CACNA2D3: variants seen among roughly 807,000 people sequenced by gnomAD.
CACNA2D3 encodes the protein voltage-dependent calcium channel subunit alpha-2/delta-3.
In CACNA2D3, 60 loss-of-function variants were observed where a neutral mutation model predicts 160.6. The observed-to-expected ratio is 0.37, with a 90% CI of 0.30 to 0.46. The LOEUF (loss-of-function observed/expected upper bound fraction) is 0.46. Ranked by LOEUF, CACNA2D3 falls within the 20% of genes least tolerant of loss-of-function variation. CACNA2D3 has a pLI of 1.00. For synonymous variants in CACNA2D3, 558 were observed against 492.9 expected (o/e 1.13, Z -1.75); for missense variants, 1,205 against 1,365.0 (o/e 0.88, Z 1.85).
At chr3:54,775,754 C>A (rs1025218685) in intron 13 of CACNA2D3, among the ~76,000 whole-genome samples, 2 of 152,112 alleles carry the variant, frequency 1.3e-5, no homozygotes, top group Non-Finnish European at 2.9e-5. Flanking sequence ...AACACTGGCT[C>A]ATTGTACTTC....
At chr3:54,771,655 C>G (rs1482063154) in intron 13 of CACNA2D3, among the ~76,000 whole-genome samples, 2 of 152,222 alleles carry the variant, frequency 1.3e-5, no homozygotes, top group Admixed American at 6.5e-5. Context: ...AAATACATCT[C>G]TCTGATGCTT....
chr3:54,995,147 T>C (rs1307347942), intron 31 of CACNA2D3, among the ~76,000 whole-genome samples: 1 of 152,070 alleles, frequency 6.6e-6, no homozygotes, highest in Non-Finnish European at 1.5e-5. Flanking sequence ...TTAATTTCTG[T>C]ATTTTTAGTA....
intron 27 of CACNA2D3, among the ~76,000 whole-genome samples, chr3:54,962,750 A>G (rs749398174): frequency 3.6e-4 from 55 of 152,192 alleles, no homozygotes; most frequent in African/African-American, 1.2e-3. Flanking sequence ...TGAGCTCTCT[A>G]TGTGTATGTG....
At chr3:54,549,939 A>G (rs1326768004) in intron 5 of CACNA2D3, among the ~76,000 whole-genome samples, 1 of 152,230 alleles carries the variant, frequency 6.6e-6, no homozygotes, top group Non-Finnish European at 1.5e-5. Flanking sequence ...CCGAAAGGTT[A>G]AAATGAGAAG....
intron 11 of CACNA2D3, among the ~76,000 whole-genome samples, chr3:54,688,701 ATTAATG>A (rs1700513256): frequency 6.6e-6 from 1 of 151,238 alleles, no homozygotes; most frequent in East Asian, 2.0e-4. Context: ...AGCTGCAATT[ATTAATG>A]TTAATAATTG....
At chr3:54,527,961 T>G (rs540240692) in intron 5 of CACNA2D3, among the ~76,000 whole-genome samples, 2 of 152,328 alleles carry the variant, frequency 1.3e-5, no homozygotes, top group South Asian at 4.2e-4. Flanking sequence ...AATTTTTGTG[T>G]TTTTTCTTCT....
At chr3:54,768,884 C>G (rs1272773192) in intron 13 of CACNA2D3, among the ~76,000 whole-genome samples, 1 of 152,142 alleles carries the variant, frequency 6.6e-6, no homozygotes, top group Admixed American at 6.5e-5. Flanking sequence ...CTAATAAATA[C>G]ATCTCCCGGT....
intron 4 of CACNA2D3, among the ~76,000 whole-genome samples, chr3:54,501,632 G>T (rs1476694435): frequency 2.0e-5 from 3 of 151,640 alleles, no homozygotes. Context: ...GTTGCCTAGG[G>T]TGGTCTTGAA....
chr3:54,443,799 C>G (rs575045708), intron 4 of CACNA2D3, among the ~76,000 whole-genome samples: 1 of 152,222 alleles, frequency 6.6e-6, no homozygotes, highest in Non-Finnish European at 1.5e-5. Flanking sequence ...TTCACGGTTT[C>G]TTCCTTTGAT....
At chr3:54,728,357 C>T (rs549547423) in intron 11 of CACNA2D3, among the ~76,000 whole-genome samples, 1 of 152,230 alleles carries the variant, frequency 6.6e-6, no homozygotes, top group South Asian at 2.1e-4. Context: ...GTCTAATCTT[C>T]TATTAAATAG....
intron 21 of CACNA2D3, among the ~76,000 whole-genome samples, chr3:54,881,302 C>G (rs886673338): frequency 6.6e-6 from 1 of 152,152 alleles, no homozygotes; most frequent in African/African-American, 2.4e-5. Context: ...GAGCCTTAGT[C>G]TCTCCTACAC....
chr3:54,139,714 C>T (rs1699884603), intron 2 of CACNA2D3, among the ~76,000 whole-genome samples: 1 of 152,216 alleles, frequency 6.6e-6, no homozygotes, highest in Non-Finnish European at 1.5e-5. Flanking sequence ...GACTTAATAA[C>T]ATGCCTGACT....
chr3:54,301,670 C>T (rs537547956), intron 2 of CACNA2D3, among the ~76,000 whole-genome samples: 1 of 152,182 alleles, frequency 6.6e-6, no homozygotes, highest in African/African-American at 2.4e-5. Flanking sequence ...ACTGGTTCCA[C>T]TTTTCCTTGT....
intron 32 of CACNA2D3, among the ~76,000 whole-genome samples, chr3:55,006,301 G>C: frequency 6.6e-6 from 1 of 152,122 alleles, no homozygotes; most frequent in East Asian, 1.9e-4. Flanking sequence ...ATGCCTGAGT[G>C]CCTTCCCCTG....
intron 4 of CACNA2D3, among the ~76,000 whole-genome samples, chr3:54,413,216 C>T (rs973038820): frequency 2.0e-5 from 3 of 151,270 alleles, no homozygotes; most frequent in African/African-American, 7.3e-5. Context: ...GATGTAATTC[C>T]ATTCTCTTCT....
At chr3:54,522,822 T>TAA (rs1176362381) in intron 5 of CACNA2D3, among the ~76,000 whole-genome samples, 2 of 152,320 alleles carry the variant, frequency 1.3e-5, no homozygotes, top group African/African-American at 4.8e-5. Flanking sequence ...AGTCAACTCT[T>TAA]ACAGGTCTCA....
chr3:54,352,348 G>A (rs745718094), intron 3 of CACNA2D3, among the ~76,000 whole-genome samples: 9 of 152,158 alleles, frequency 5.9e-5, no homozygotes, highest in Admixed American at 1.3e-4. Context: ...CAGTGGTGTG[G>A]TGTTGATGGT....
chr3:54,790,162 G>C (rs538765079), intron 13 of CACNA2D3, among the ~76,000 whole-genome samples: 3 of 152,318 alleles, frequency 2.0e-5, no homozygotes, highest in African/African-American at 7.2e-5. Flanking sequence ...CCACTTAGCA[G>C]CTGTGCCATC....
At chr3:54,567,112 A>C (rs954001302) in intron 6 of CACNA2D3, among the ~76,000 whole-genome samples, 29 of 152,142 alleles carry the variant, frequency 1.9e-4, no homozygotes, top group Non-Finnish European at 1.8e-4. Flanking sequence ...ATATCCTCAT[A>C]TTCATGGTGC....
Sources: gnomAD v4.1 joint callset for allele counts (sites outside exome capture counted in the v4.1 genomes callset) on GRCh38, gnomAD v4.1.1 for gene constraint, MANE v1.5 for transcripts, NCBI Gene and HGNC (gene_info 2026-07-23, HGNC 2026-07-21) for gene names.